Variants in DNAH10 observed in about 807,000 individuals in gnomAD.
DNAH10 encodes the protein axonemal beta dynein heavy chain 10.
In DNAH10, 348 loss-of-function variants were observed where a neutral mutation model predicts 506.6. The ratio of observed to expected loss-of-function variants is 0.69; its 90% confidence interval spans 0.63 to 0.75. DNAH10 has a LOEUF of 0.75. Among genes scored for constraint, DNAH10 ranks in the 30% least tolerant of loss-of-function variants. The pLI, the probability that DNAH10 is intolerant of heterozygous loss-of-function variation, is 0.00. For synonymous variants in DNAH10, 2,059 were observed against 2,198.6 expected (o/e 0.94, Z 1.78); for missense variants, 5,179 against 5,787.1 (o/e 0.89, Z 3.41).
In DNAH10 at chr12:123,853,262, G is replaced by A; in HGVS notation, c.6348G>A (p.Lys2116=). 1.2e-6 allele frequency: 2 copies of A among 1,611,314 alleles called. No individual in the cohort carries two copies. The highest frequency in any genetic ancestry group is 1.7e-6 in the Non-Finnish European group (2 of 1,178,720). Residue 2116 remains lysine (K), a synonymous_variant, in exon 36 of 79, where the codon AAG becomes AAA. Coordinates refer to ENST00000673944, the MANE Select transcript of DNAH10 (RefSeq NM_001372106.1). This position sits in a 1 kb window ranked among gnomAD's most constrained non-coding sequence, Gnocchi z 4.7. The stretch of plus-strand genomic sequence containing the variant: ...AGCTGGCCCGGGAGCAGCTGTCCAA[G>A]CAGTATCACTATGATTTTGGACTCA... The part of the protein sequence containing the change: ...LYKLAREQLS[K]QYHYDFGLRA...
At chr12:123,825,154 T>C (rs566666136) in intron 24 of DNAH10, among the ~76,000 whole-genome samples, 28 of 152,264 alleles carry the variant, frequency 1.8e-4, no homozygotes, top group Admixed American at 1.0e-3. Flanking sequence ...CAGATGCTGC[T>C]GATAGATCAG....
At chr12:123,795,040 C>G (rs1442748148) in intron 12 of DNAH10, among the ~76,000 whole-genome samples, 1 of 147,484 alleles carries the variant, frequency 6.8e-6, no homozygotes, top group African/African-American at 2.5e-5. Context: ...CCCAGCTACT[C>G]AGGAGGCTGA....
chr12:123,795,358 G>A, intron 12 of DNAH10, among the ~76,000 whole-genome samples: 1 of 152,090 alleles, frequency 6.6e-6, no homozygotes, highest in Non-Finnish European at 1.5e-5. Context: ...TATGGTACTG[G>A]AGGTCAGAAG....
intron 45 of DNAH10, among the ~76,000 whole-genome samples, chr12:123,873,037 GT>G (rs1237471553): frequency 7.2e-5 from 11 of 152,242 alleles, no homozygotes; most frequent in Admixed American, 7.2e-4. Flanking sequence ...CCTGCCGGCA[GT>G]TAGTCCCAAA....
At position 123,917,022 on chromosome 12, in the gene DNAH10, G is replaced by C. The variant is rs139071643; in HGVS notation, c.11002+286G>C. On this transcript the variant is annotated intron_variant, in intron 63 of 78. Transcript: ENST00000673944. This position sits in a 1 kb window ranked among gnomAD's most constrained non-coding sequence, Gnocchi z 5.6. ...GGGGGCAGGAAGTTACTCTATATTCGTGTATTTAAAATACATGTTGTGATG... is the reference window on the plus strand; with the variant it reads ...GGGGGCAGGAAGTTACTCTATATTCCTGTATTTAAAATACATGTTGTGATG... 6.4e-4 allele frequency among the ~76,000 whole-genome samples: 97 copies of C among 152,218 alleles called. No homozygotes were observed. The South Asian group carries it at 0.014, about 22-fold the overall frequency.
At position 123,787,554 on chromosome 12, in the gene DNAH10, G is replaced by C. The variant is rs1328743937; in HGVS notation, c.1422-250G>C. Reference sequence around the variant, plus strand: ...ACCTGCCCCTTCTGGTGTAGGGAGCGAGGTCACCAGGTAGCCCCAGCCCTG... The same window carrying C: ...ACCTGCCCCTTCTGGTGTAGGGAGCCAGGTCACCAGGTAGCCCCAGCCCTG... On this transcript the variant is annotated intron_variant, in intron 9 of 78. Transcript: ENST00000673944. The surrounding 1 kb of genome is among the most constrained non-coding windows in gnomAD (Gnocchi z 4.6). 2.6e-5 allele frequency among the ~76,000 whole-genome samples: 4 copies of C among 152,244 alleles called. No individual in the cohort carries two copies. The highest frequency in any genetic ancestry group is 9.6e-5 in the African/African-American group (4 of 41,462).
intron 43 of DNAH10, among the ~76,000 whole-genome samples, chr12:123,868,983 G>A (rs957150355): frequency 2.6e-5 from 4 of 152,228 alleles, no homozygotes; most frequent in African/African-American, 9.6e-5. Context: ...CGGAGACAAT[G>A]TTGGCCTGCT....
chr12:123,921,636 A>C lies in DNAH10; in HGVS notation c.11507-2127A>C, dbSNP rs1233240875. On this transcript the variant is annotated intron_variant, in intron 65 of 78. Coordinates refer to ENST00000673944, the MANE Select transcript of DNAH10 (RefSeq NM_001372106.1). ...TTATCTCCTCCTCATGTGAGAGTCA[A>C]CTTTCTCAGCTCTGCTAAATCAGTT... is the stretch of plus-strand genomic sequence containing the variant. Among the ~76,000 whole-genome samples, 3 of 146,450 alleles carry C rather than the reference A, an allele frequency of 2.0e-5. No individual in the cohort carries two copies. The East Asian group carries it at 6.0e-4, about 30-fold the overall frequency.
At chr12:123,805,168 A>G (rs774144466) in intron 18 of DNAH10, 128 bp downstream of exon 18, 1 of 940,016 alleles carries the variant, frequency 1.1e-6, no homozygotes, top group Non-Finnish European at 1.6e-6. Flanking sequence ...GCTTTCTGGC[A>G]GAAGGGCACT....
rs370827875 is a variant in DNAH10, at chr12:123,850,919, G to A, written c.6134G>A (p.Arg2045His). 9.2e-5 allele frequency: 149 copies of A among 1,613,254 alleles called. No homozygotes were observed. Among genetic ancestry groups the A allele is most frequent in the Non-Finnish European group, 1.1e-4 (130 of 1,179,602 alleles). The change falls in exon 35 of 79, where the codon CGC becomes CAC. Residue 2045 changes from arginine to histidine, a missense_variant. This residue lies in a region of DNAH10 where 4,844 missense variants were observed against 5,430.5 expected (regional missense o/e 0.89). Coordinates refer to ENST00000673944, the MANE Select transcript of DNAH10 (RefSeq NM_001372106.1). This position sits in a 1 kb window ranked among gnomAD's most constrained non-coding sequence, Gnocchi z 5.5. Reference protein sequence around the residue: ...FEGQEISLDSRMGIFITMNPG... With the variant: ...FEGQEISLDSHMGIFITMNPG... ...GGGCAGGAGATTTCCCTGGACTCCC[G>A]CATGGGCATCTTCATCACCATGAAC...
intron 1 of DNAH10, among the ~76,000 whole-genome samples, chr12:123,765,672 TTATC>T (rs919511967): frequency 4.6e-5 from 7 of 151,802 alleles, no homozygotes; most frequent in African/African-American, 7.3e-5. Context: ...TCTCTCTCTA[TTATC>T]TATCTACCAA....
chr12:123,902,922 CCT>C lies in DNAH10; in HGVS notation c.9641-16_9641-15del. The C allele has an allele frequency of 1.3e-6, 2 of 1,568,692 alleles. No individual in the cohort carries two copies. The highest frequency in any genetic ancestry group is 8.6e-7 in the Non-Finnish European group (1 of 1,157,282). ...CTCTGAGCCCAAGCTTTACTCACCC[CCT>C]GTCCTACCCTGCAGCCGAGGAGAAG... On this transcript the variant is annotated splice_polypyrimidine_tract_variant and intron_variant, in intron 56 of 78. Coordinates refer to ENST00000673944, the MANE Select transcript of DNAH10 (RefSeq NM_001372106.1). This position sits in a 1 kb window ranked among gnomAD's most constrained non-coding sequence, Gnocchi z 4.5.
At chr12:123,886,279 C>G (rs1480023626) in intron 51 of DNAH10, among the ~76,000 whole-genome samples, 1 of 152,118 alleles carries the variant, frequency 6.6e-6, no homozygotes, top group Non-Finnish European at 1.5e-5. Flanking sequence ...TGAGGACACA[C>G]AGGGCTGTGT....
At position 123,787,732 on chromosome 12, in the gene DNAH10, C is replaced by G; in HGVS notation, c.1422-72C>G. 6 of 1,547,080 alleles carry G rather than the reference C, an allele frequency of 3.9e-6. No homozygotes were observed. The South Asian group carries it at 7.1e-5, about 18-fold the overall frequency. On this transcript the variant is annotated intron_variant, in intron 9 of 78. Coordinates refer to ENST00000673944, the MANE Select transcript of DNAH10 (RefSeq NM_001372106.1). The surrounding 1 kb of genome is among the most constrained non-coding windows in gnomAD (Gnocchi z 4.6). ...GTCAGAGCTTCACGGGACACTGGCT[C>G]CCCAGCCGGGGAGTGCGGCTCGGAC...
rs61735917 is a variant in DNAH10 at position 123,898,714 on chromosome 12, C to T, written c.9540C>T (p.Asp3180=). Residue 3180 remains aspartate, a synonymous_variant, in exon 56 of 79, where the codon GAC becomes GAT. Transcript: ENST00000673944. ...TGAAGGAGGCCACCATCCAGCTGGA[C>T]GAGCTGAACCAGAAGCTGGCCGAGC... ...DKLKEATIQL[D]ELNQKLAEQK... 5.0e-3 allele frequency: 8,024 copies of T among 1,604,774 alleles called. 34 individuals are homozygous for T. Among genetic ancestry groups the T allele is most frequent in the African/African-American group, 0.019 (1,412 of 74,902 alleles).
In DNAH10 at chr12:123,762,591, C is replaced by T. The variant is rs752390916; in HGVS notation, c.214+41C>T. 1.3e-4 allele frequency: 197 copies of T among 1,519,210 alleles called. No homozygotes were observed. The highest frequency in any genetic ancestry group is 1.7e-4 in the Middle Eastern group (1 of 5,850). 94.1% of individuals were successfully genotyped at this position (1,519,210 alleles called of 1,614,324 possible). A position where few individuals can be genotyped will look rare whatever the true frequency, so the allele number is the denominator to read the frequency against. Reference sequence around the variant, plus strand: ...CCGCTCCCTTCCCCGGGCTTCCCTCCTGCCCGTCCCGGCCTCTCCGGCGGG... The same window carrying T: ...CCGCTCCCTTCCCCGGGCTTCCCTCTTGCCCGTCCCGGCCTCTCCGGCGGG... On this transcript the variant is annotated intron_variant, in intron 1 of 78. Transcript: ENST00000673944. The surrounding 1 kb of genome is among the most constrained non-coding windows in gnomAD (Gnocchi z 5.0).
intron 5 of DNAH10, among the ~76,000 whole-genome samples, 166 bp downstream of exon 5, chr12:123,774,430 G>C (rs1355287849): frequency 1.3e-5 from 2 of 152,320 alleles, no homozygotes; most frequent in East Asian, 3.9e-4. Context: ...AGCGGCGCTA[G>C]AGAAATTAAA....
intron 52 of DNAH10, among the ~76,000 whole-genome samples, chr12:123,888,791 G>T (rs184144308): frequency 7.9e-5 from 12 of 152,282 alleles, no homozygotes; most frequent in African/African-American, 2.9e-4. Flanking sequence ...CTCGAACCCA[G>T]GATTTTTAGC....
chr12:123,929,074 T>C, intron 70 of DNAH10: 3 of 617,918 alleles, frequency 4.9e-6, no homozygotes, highest in South Asian at 4.0e-5. Flanking sequence ...TCAAAGACTC[T>C]TGACCCTTGA....
Sources: allele counts gnomAD v4.1 joint callset (sites outside exome capture counted in the v4.1 genomes callset), GRCh38; gene constraint gnomAD v4.1.1; regional missense constraint gnomAD v4.1.1; non-coding constraint Gnocchi (gnomAD v3.1); transcripts MANE v1.5; gene names NCBI Gene and HGNC (gene_info 2026-07-23, HGNC 2026-07-21).